Variants in RNF34 observed in about 807,000 individuals in gnomAD.
RNF34 encodes the protein E3 ubiquitin-protein ligase RNF34.
Under a neutral mutation model 37.9 loss-of-function variants are expected in RNF34, and 12 were observed. The observed-to-expected ratio is 0.32, with a 90% CI of 0.20 to 0.51. The LOEUF (loss-of-function observed/expected upper bound fraction) is 0.51, where lower values mean the gene tolerates loss of function less well. Ranked by LOEUF, RNF34 falls within the 20% of genes least tolerant of loss-of-function variation. The probability of loss-of-function intolerance (pLI) is 0.97; values close to 1 mark genes in which losing one functional copy is unlikely to be tolerated. For synonymous variants in RNF34, 155 were observed against 177.2 expected, an observed-to-expected ratio of 0.87 and a Z score of 1.00; for missense variants, 362 against 472.7, an observed-to-expected ratio of 0.77 and a Z score of 2.17.
At chr12:121,410,228 GAAATTA>G (rs1455759367) in intron 1 of RNF34, among the ~76,000 whole-genome samples, 1 of 150,982 alleles carries the variant, frequency 6.6e-6, no homozygotes, top group African/African-American at 2.4e-5. Flanking sequence ...AGGGGAGATG[GAAATTA>G]AAATTTTCAA....
chr12:121,404,354 C>T (rs1014567671), intron 1 of RNF34, among the ~76,000 whole-genome samples: 2 of 144,910 alleles, frequency 1.4e-5, no homozygotes, highest in African/African-American at 5.0e-5. Context: ...CACTCTCCCC[C>T]TATACTTCTC....
intron 1 of RNF34, among the ~76,000 whole-genome samples, chr12:121,400,786 C>T (rs147866946): frequency 5.6e-4 from 86 of 152,292 alleles, no homozygotes; most frequent in African/African-American, 2.0e-3. Flanking sequence ...GCCTCCATCG[C>T]CACTAGGTAA....
In RNF34 at chr12:121,423,665, G is replaced by T; in HGVS notation, c.*89G>T. 1 of 1,109,742 alleles carries T rather than the reference G, an allele frequency of 9.0e-7. No homozygotes were observed. Among genetic ancestry groups the T allele is most frequent in the South Asian group, 1.5e-5 (1 of 65,394 alleles). 68.7% of individuals were successfully genotyped at this position (1,109,742 alleles called of 1,614,324 possible). A position where few individuals can be genotyped will look rare whatever the true frequency, so the allele number is the denominator to read the frequency against. On this transcript the variant is annotated 3_prime_UTR_variant, in exon 6 of 6. Transcript: ENST00000361234. The surrounding 1 kb of genome is among the most constrained non-coding windows in gnomAD (Gnocchi z 4.3). ...AGGGACTGGAAAGTTATGTTCAAAG[G>T]CTGAAGCTATTTTAAAACATTATTT...
At chr12:121,406,245 C>A (rs1184584918) in intron 1 of RNF34, among the ~76,000 whole-genome samples, 3 of 145,476 alleles carry the variant, frequency 2.1e-5, no homozygotes, top group African/African-American at 7.9e-5. Context: ...GCAGTCCAGG[C>A]AGGTTTTAGA....
In RNF34 at chr12:121,420,270, C is replaced by T. The variant is rs782279180; in HGVS notation, c.662C>T (p.Thr221Ile). 3 of 1,604,186 alleles carry T rather than the reference C, an allele frequency of 1.9e-6. No homozygotes were observed. In the African/African-American group the frequency reaches 4.1e-5, roughly 22 times the overall value. The change falls in exon 4 of 6, where the codon ACA becomes ATA. Residue 221 changes from threonine to isoleucine, a missense_variant. Coordinates refer to ENST00000361234, the MANE Select transcript of RNF34 (RefSeq NM_025126.4). ...CAAAGTGAAATCACTTCAGCAAACA[C>T]AGAAGATGATGATGACGACGATGAT... ...QVQSEITSAN[T>I]EDDDDDDDED...
At chr12:121,406,283 AGTT>A (rs79540358) in intron 1 of RNF34, among the ~76,000 whole-genome samples, 4 of 150,606 alleles carry the variant, frequency 2.7e-5, no homozygotes, top group East Asian at 2.0e-4. Flanking sequence ...GGAATGTGTA[AGTT>A]GTTGTTGTTG....
At chr12:121,401,539 A>G (rs1435129392) in intron 1 of RNF34, among the ~76,000 whole-genome samples, 22 of 152,204 alleles carry the variant, frequency 1.4e-4, no homozygotes, top group Admixed American at 1.2e-3. Flanking sequence ...ACAGCTTGAA[A>G]TATCTATTAA....
chr12:121,403,320 C>T (rs576268689), intron 1 of RNF34, among the ~76,000 whole-genome samples: 186 of 150,582 alleles, frequency 1.2e-3, no homozygotes, highest in Middle Eastern at 3.5e-3. Flanking sequence ...GGCGTGAACC[C>T]GGGAGGCAGA....
rs1871651792 is a variant in RNF34, at chr12:121,417,160, G to A, written c.226-344G>A. Among the ~76,000 whole-genome samples the A allele has an allele frequency of 6.6e-6, 1 of 152,186 alleles. No homozygotes were observed. The highest frequency in any genetic ancestry group is 6.5e-5 in the Admixed American group (1 of 15,278). ...TAAATGGAGGAAATTGTTCATGTAG[G>A]AAAAGACCAGGAAGTGTGATTCTGC... On this transcript the variant is annotated intron_variant, in intron 2 of 5. Coordinates refer to ENST00000361234, the MANE Select transcript of RNF34 (RefSeq NM_025126.4). The surrounding 1 kb of genome is among the most constrained non-coding windows in gnomAD (Gnocchi z 5.0).
At chr12:121,410,687 G>A (rs60801024) in intron 1 of RNF34, among the ~76,000 whole-genome samples, 29,039 of 152,060 alleles carry the variant, frequency 0.19, 4,286 homozygotes, top group African/African-American at 0.41. Flanking sequence ...AACTATAAGT[G>A]GATTTGCCCT....
chr12:121,402,685 T>C, intron 1 of RNF34: 1 of 1,114,658 alleles, frequency 9.0e-7, no homozygotes, highest in African/African-American at 1.6e-5. Context: ...AAATGAGATA[T>C]CAAGGAGAAA....
rs144493337 is a variant in RNF34 at position 121,423,040 on chromosome 12, G to T, written c.929-346G>T. On this transcript the variant is annotated intron_variant, in intron 5 of 5. Coordinates refer to ENST00000361234, the MANE Select transcript of RNF34 (RefSeq NM_025126.4). The surrounding 1 kb of genome is among the most constrained non-coding windows in gnomAD (Gnocchi z 4.3). ...ATCCTGACTCCAAAGCCCATCTACA[G>T]AAGACCAGCTGAGGGTTTCTTTTTC... Among the ~76,000 whole-genome samples, 21 of 152,342 alleles carry T rather than the reference G, an allele frequency of 1.4e-4. No individual in the cohort carries two copies. Among genetic ancestry groups the T allele is most frequent in the African/African-American group, 3.6e-4 (15 of 41,588 alleles).
rs767838289 is a variant in RNF34 at position 121,417,418 on chromosome 12, T to G, written c.226-86T>G. On this transcript the variant is annotated intron_variant, in intron 2 of 5. Coordinates refer to ENST00000361234, the MANE Select transcript of RNF34 (RefSeq NM_025126.4). The surrounding 1 kb of genome is among the most constrained non-coding windows in gnomAD (Gnocchi z 5.0). ...CTGGGGACTTCACTAAGAACTAAAA[T>G]TAAATTTTAGTAGAAGGCAGAAAGA... 68 of 1,229,604 alleles carry G rather than the reference T, an allele frequency of 5.5e-5. No homozygotes were observed. The highest frequency in any genetic ancestry group is 7.7e-5 in the Non-Finnish European group (68 of 882,086). 76.2% of individuals were successfully genotyped at this position (1,229,604 alleles called of 1,614,324 possible).
chr12:121,420,614 T>C lies in RNF34; in HGVS notation c.764T>C (p.Leu255Pro). 6.2e-7 allele frequency: 1 copy of C among 1,614,204 alleles called. No individual in the cohort carries two copies. Among genetic ancestry groups the C allele is most frequent in the Non-Finnish European group, 8.5e-7 (1 of 1,180,030 alleles). Reference sequence around the variant, plus strand: ...TCCAAGGAGAGAGTGAGAGCTTCACTGTCTGACTTGTCAAGCCTTGATGAT... The same window carrying C: ...TCCAAGGAGAGAGTGAGAGCTTCACCGTCTGACTTGTCAAGCCTTGATGAT... ...GLSKERVRAS[L>P]SDLSSLDDVE... The change falls in exon 5 of 6, where the codon CTG (leucine) becomes CCG (proline). Residue 255 changes from leucine to proline, a missense_variant. Physicochemically the swap from Leu to Pro is moderately conservative, Grantham distance 98 (BLOSUM62 -3). Transcript: ENST00000361234.
At chr12:121,402,872 A>G (rs1442200562) in intron 1 of RNF34, 5 of 1,199,596 alleles carry the variant, frequency 4.2e-6, no homozygotes, top group South Asian at 1.2e-5. Context: ...TGTCTTGTCT[A>G]AAAGTATTAC....
intron 1 of RNF34, among the ~76,000 whole-genome samples, chr12:121,407,571 T>C (rs1482811237): frequency 1.3e-5 from 2 of 152,224 alleles, no homozygotes; most frequent in Non-Finnish European, 2.9e-5. Context: ...ATGCTGTCTT[T>C]CCAGGAATTG....
rs1871725306 is a variant in RNF34, at chr12:121,417,905, G to A, written c.627G>A (p.Pro209=). 12 of 1,613,576 alleles carry A rather than the reference G, an allele frequency of 7.4e-6. No homozygotes were observed. The highest frequency in any genetic ancestry group is 2.2e-5 in the East Asian group (1 of 44,888). Residue 209 remains proline (P), a synonymous_variant, in exon 3 of 6, where the codon CCG becomes CCA. Transcript: ENST00000361234. This position sits in a 1 kb window ranked among gnomAD's most constrained non-coding sequence, Gnocchi z 5.0. The part of the protein sequence containing the change: ...DGDQTSRSGV[P]AQVQSEITSA... ...ACCAAACATCCAGATCTGGAGTGCCGGCACAGGTACGAGGGGGTAACTAAT... is the reference window on the plus strand; with the variant it reads ...ACCAAACATCCAGATCTGGAGTGCCAGCACAGGTACGAGGGGGTAACTAAT...
At chr12:121,412,407 TTTTG>T (rs1566229131) in intron 1 of RNF34, among the ~76,000 whole-genome samples, 1 of 150,920 alleles carries the variant, frequency 6.6e-6, no homozygotes, top group African/African-American at 2.4e-5. Flanking sequence ...GCCAGGCTAA[TTTTG>T]TTTTTGTTTT....
At chr12:121,420,152 GTCA>G (rs1377232615) in intron 3 of RNF34, 87 bp from the exon 4 acceptor site, 33 of 1,190,748 alleles carry the variant, frequency 2.8e-5, no homozygotes, top group Admixed American at 3.7e-5. Flanking sequence ...TGGCTTTCTG[GTCA>G]TCATGGGGAG....
Sources: allele counts gnomAD v4.1 joint callset (sites outside exome capture counted in the v4.1 genomes callset), GRCh38; gene constraint gnomAD v4.1.1; non-coding constraint Gnocchi (gnomAD v3.1); transcripts MANE v1.5; gene names NCBI Gene and HGNC (gene_info 2026-07-23, HGNC 2026-07-21).